Variants in ARHGEF7 observed in about 807,000 individuals in gnomAD.
ARHGEF7 encodes the protein Rho guanine nucleotide exchange factor 7.
ARHGEF7 carries 33 observed loss-of-function variants against 109.8 expected under a neutral mutation model. That is an observed-to-expected ratio of 0.30 (90% CI 0.23 to 0.40). The LOEUF (loss-of-function observed/expected upper bound fraction) is 0.40, where lower values mean the gene tolerates loss of function less well. Ranked by LOEUF, ARHGEF7 falls within the 10% of genes least tolerant of loss-of-function variation. ARHGEF7 has a pLI of 1.00. For missense variants in ARHGEF7, 938 were observed against 1,098.5 expected (o/e 0.85, Z 2.07); for synonymous variants, 458 against 424.6 (o/e 1.08, Z -0.97).
chr13:111,248,073 A>G (rs147435699), intron 8 of ARHGEF7, among the ~76,000 whole-genome samples: 2 of 152,218 alleles, frequency 1.3e-5, no homozygotes, highest in East Asian at 3.9e-4. Flanking sequence ...AGTTTTTTGT[A>G]ATTCAGGTGT....
At chr13:111,215,242 C>A (rs750758302) in intron 4 of ARHGEF7, among the ~76,000 whole-genome samples, 5 of 151,852 alleles carry the variant, frequency 3.3e-5, no homozygotes, top group East Asian at 1.9e-4. Flanking sequence ...CTTTCTAATG[C>A]GGATAGTTGT....
At chr13:111,160,625 C>G (rs377644860) in intron 2 of ARHGEF7, among the ~76,000 whole-genome samples, 1 of 151,972 alleles carries the variant, frequency 6.6e-6, no homozygotes, top group Non-Finnish European at 1.5e-5. Context: ...TCAGCCTGGG[C>G]TACGTGGCAA....
chr13:111,260,277 G>T (rs978151872), intron 8 of ARHGEF7, among the ~76,000 whole-genome samples: 3 of 152,222 alleles, frequency 2.0e-5, no homozygotes, highest in Admixed American at 6.5e-5. Flanking sequence ...AATAAAACAC[G>T]AAGTAGATTT....
chr13:111,302,960 G>C lies in ARHGEF7; in HGVS notation c.2467-31G>C, dbSNP rs775377594. ...GAAGCCCTACGCGATGCCAAAGATA[G>C]TGAACACCCTGTGGTCTGCTTAATT... On this transcript the variant is annotated intron_variant, in intron 21 of 21. Transcript: ENST00000646102. 3.1e-6 allele frequency: 5 copies of C among 1,612,486 alleles called. No individual in the cohort carries two copies. The South Asian group carries it at 4.4e-5, about 14-fold the overall frequency.
intron 8 of ARHGEF7, among the ~76,000 whole-genome samples, chr13:111,257,826 C>T (rs541015885): frequency 6.6e-6 from 1 of 152,366 alleles, no homozygotes; most frequent in South Asian, 2.1e-4. Flanking sequence ...CTCAGTGCTG[C>T]CCTGTCACAG....
chr13:111,201,741 A>C (rs571773389), intron 2 of ARHGEF7, among the ~76,000 whole-genome samples: 95 of 152,242 alleles, frequency 6.2e-4, no homozygotes, highest in African/African-American at 2.2e-3. Context: ...GCAGGGCTGT[A>C]GCAAGCAGGT....
intron 1 of ARHGEF7, among the ~76,000 whole-genome samples, chr13:111,132,649 T>C (rs969480635): frequency 6.6e-6 from 1 of 152,164 alleles, no homozygotes; most frequent in Admixed American, 6.5e-5. Flanking sequence ...GCTAAATGGA[T>C]GGAGATGAAG....
chr13:111,269,619 C>T (rs987501317), intron 9 of ARHGEF7, among the ~76,000 whole-genome samples: 1 of 152,092 alleles, frequency 6.6e-6, no homozygotes, highest in Non-Finnish European at 1.5e-5. Flanking sequence ...CAGGCTGAGG[C>T]CCGCTCGGGA....
intron 18 of ARHGEF7, among the ~76,000 whole-genome samples, chr13:111,291,471 G>A (rs1387579297): frequency 6.6e-6 from 1 of 152,230 alleles, no homozygotes. Context: ...CCTGGGAGCA[G>A]GGGGTGGGTT....
chr13:111,283,559 C>T (rs1164313077), intron 16 of ARHGEF7, among the ~76,000 whole-genome samples, 196 bp downstream of exon 16: 2 of 152,238 alleles, frequency 1.3e-5, no homozygotes, highest in African/African-American at 2.4e-5. Flanking sequence ...TGTGGGAAGG[C>T]GATGTGCAGG....
In ARHGEF7 at chr13:111,272,940, G is replaced by GGAACT. The variant is rs1286340674; in HGVS notation, c.1074-873_1074-869dup. ...GCCCGTGTCCTCTGCCACAGCCATGGGAACTCTGAGGACAAAGATGACACA... is the reference window on the plus strand; with the variant it reads ...GCCCGTGTCCTCTGCCACAGCCATGGGAACTGAACTCTGAGGACAAAGATGACACA... On this transcript the variant is annotated intron_variant, in intron 9 of 21. Coordinates refer to ENST00000646102, the MANE Select transcript of ARHGEF7 (RefSeq NM_001354046.2). This position sits in a 1 kb window ranked among gnomAD's most constrained non-coding sequence, Gnocchi z 5.2. 6.6e-6 allele frequency among the ~76,000 whole-genome samples: 1 copy of GGAACT among 152,176 alleles called. No homozygotes were observed. The highest frequency in any genetic ancestry group is 1.5e-5 in the Non-Finnish European group (1 of 68,030).
At chr13:111,292,687 A>T in intron 19 of ARHGEF7, 1 of 1,053,972 alleles carries the variant, frequency 9.5e-7, no homozygotes, top group African/African-American at 1.7e-5. Context: ...TACTGAAATC[A>T]CACAGGTTTG....
At chr13:111,278,554 C>T (rs888504222) in intron 13 of ARHGEF7, among the ~76,000 whole-genome samples, 1 of 152,186 alleles carries the variant, frequency 6.6e-6, no homozygotes, top group Non-Finnish European at 1.5e-5. Flanking sequence ...CATACGCTTA[C>T]ACCAACACAC....
intron 19 of ARHGEF7, among the ~76,000 whole-genome samples, chr13:111,296,990 A>G (rs1420882676): frequency 6.6e-6 from 1 of 152,226 alleles, no homozygotes; most frequent in East Asian, 1.9e-4. Context: ...TTATCGGATC[A>G]TTCTGCTGTT....
At position 111,273,770 on chromosome 13, in the gene ARHGEF7, C is replaced by G; in HGVS notation, c.1074-44C>G. The stretch of plus-strand genomic sequence containing the variant: ...GGAGATGAGAGAGCCACCATTGTCT[C>G]TCATTGCTAACCACGAGTGTCTCTC... On this transcript the variant is annotated intron_variant, in intron 9 of 21. Transcript: ENST00000646102. The surrounding 1 kb of genome is among the most constrained non-coding windows in gnomAD (Gnocchi z 4.5). The G allele has an allele frequency of 6.2e-7, 1 of 1,609,660 alleles. No individual in the cohort carries two copies. The highest frequency in any genetic ancestry group is 8.5e-7 in the Non-Finnish European group (1 of 1,176,274).
In ARHGEF7 at chr13:111,145,123, A is replaced by G. The variant is rs557257519; in HGVS notation, c.166-8782A>G. On this transcript the variant is annotated intron_variant, in intron 1 of 21. Coordinates refer to ENST00000646102, the MANE Select transcript of ARHGEF7 (RefSeq NM_001354046.2). This position sits in a 1 kb window ranked among gnomAD's most constrained non-coding sequence, Gnocchi z 4.3. ...CCAAACATAACTTGGAGATTGTGAC[A>G]TATCAGGATATAAAGCTGCCCCTTT... is the stretch of plus-strand genomic sequence containing the variant. Among the ~76,000 whole-genome samples the G allele has an allele frequency of 1.3e-5, 2 of 152,216 alleles. No homozygotes were observed. Among genetic ancestry groups the G allele is most frequent in the African/African-American group, 2.4e-5 (1 of 41,510 alleles).
chr13:111,291,216 G>T (rs747386576), intron 18 of ARHGEF7, among the ~76,000 whole-genome samples: 1 of 152,278 alleles, frequency 6.6e-6, no homozygotes, highest in Admixed American at 6.5e-5. Context: ...GGAGACCCTG[G>T]CGGCCCAGCC....
intron 1 of ARHGEF7, chr13:111,153,588 A>T (rs958146655): frequency 2.7e-6 from 3 of 1,106,786 alleles, no homozygotes; most frequent in Non-Finnish European, 3.3e-6. Flanking sequence ...GGGGGCGAAC[A>T]CCCGACGCTA....
At chr13:111,115,766 T>G in intron 1 of ARHGEF7, 75 bp downstream of exon 1, 1 of 890,946 alleles carries the variant, frequency 1.1e-6, no homozygotes, top group Non-Finnish European at 1.4e-6. Context: ...GCGGAGCACC[T>G]GAGGCCGGCC....
Sources: gnomAD v4.1 joint callset for allele counts (sites outside exome capture counted in the v4.1 genomes callset) on GRCh38, gnomAD v4.1.1 for gene constraint, Gnocchi (gnomAD v3.1) non-coding constraint, MANE v1.5 for transcripts, NCBI Gene and HGNC (gene_info 2026-07-23, HGNC 2026-07-21) for gene names.